The following BRD4 variants were observed in gnomAD, a reference collection of about 807,000 sequenced individuals.
BRD4 encodes the protein bromodomain-containing protein 4.
Under a neutral mutation model 142.1 loss-of-function variants are expected in BRD4, and 16 were observed. That is an observed-to-expected ratio of 0.11 (90% CI 0.08 to 0.17). The LOEUF is 0.17. Ranked by LOEUF, BRD4 falls within the 10% of genes least tolerant of loss-of-function variation. The pLI, the probability that BRD4 is intolerant of heterozygous loss-of-function variation, is 1.00. For missense variants in BRD4, 1,424 were observed against 1,810.9 expected, an observed-to-expected ratio of 0.79 and a Z score of 3.88; for synonymous variants, 833 against 707.5, an observed-to-expected ratio of 1.18 and a Z score of -2.82.
chr19:15,256,042 G>A lies in BRD4; in HGVS notation c.1751+22C>T, dbSNP rs1599451599. The A allele has an allele frequency of 1.9e-6, 3 of 1,609,290 alleles. No homozygotes were observed. The East Asian group carries it at 6.7e-5, about 36-fold the overall frequency. On this transcript the variant is annotated intron_variant, in intron 9 of 19. Coordinates refer to ENST00000679869, the MANE Select transcript of BRD4 (RefSeq NM_001379291.1). The stretch of plus-strand genomic sequence containing the variant: ...CCCTGGAAGGAGGGTCCCCACCCAG[G>A]ACAAATTCAGGGGACACAGACCTCA...
chr19:15,291,172 G>A (rs543602763), intron 1 of BRD4, among the ~76,000 whole-genome samples: 3 of 152,278 alleles, frequency 2.0e-5, no homozygotes, highest in African/African-American at 7.2e-5. Flanking sequence ...AGGCCTATAA[G>A]GAGATGGTGT....
Position 15,238,997 on chromosome 19 carries a change from A to G in BRD4, c.3783-17T>C. The stretch of plus-strand genomic sequence containing the variant: ...TCTCGGCTCCTGGGCAGAGGGTCCC[A>G]GTCAGCCTGGGGACTGGTGTGGCCC... On this transcript the variant is annotated splice_polypyrimidine_tract_variant and intron_variant, in intron 18 of 19. Coordinates refer to ENST00000679869, the MANE Select transcript of BRD4 (RefSeq NM_001379291.1). This position sits in a 1 kb window ranked among gnomAD's most constrained non-coding sequence, Gnocchi z 7.2. 1 of 1,578,766 alleles carries G rather than the reference A, an allele frequency of 6.3e-7. No homozygotes were observed. Among genetic ancestry groups the G allele is most frequent in the Non-Finnish European group, 8.6e-7 (1 of 1,164,242 alleles).
At chr19:15,293,055 T>C (rs1357862315) in intron 1 of BRD4, among the ~76,000 whole-genome samples, 1 of 151,910 alleles carries the variant, frequency 6.6e-6, no homozygotes, top group Non-Finnish European at 1.5e-5. Context: ...CCGACTACTG[T>C]CGATGCTAAA....
intron 11 of BRD4, 116 bp from the exon 12 acceptor site, chr19:15,244,878 G>A (rs2047272109): frequency 7.0e-6 from 11 of 1,565,696 alleles, no homozygotes; most frequent in Admixed American, 1.8e-5. Flanking sequence ...GTGACCCTGA[G>A]AAAGGGCAGC....
intron 2 of BRD4, among the ~76,000 whole-genome samples, chr19:15,269,336 G>T (rs2047564258): frequency 6.6e-6 from 1 of 152,120 alleles, no homozygotes; most frequent in African/African-American, 2.4e-5. Flanking sequence ...TTCTTTTTAT[G>T]GATACTAAAA....
At chr19:15,298,021 G>A (rs1309416935) in intron 1 of BRD4, among the ~76,000 whole-genome samples, 2 of 152,244 alleles carry the variant, frequency 1.3e-5, no homozygotes, top group African/African-American at 4.8e-5. Context: ...GAGCCACTAT[G>A]AGGCACAAGA....
At chr19:15,326,181 G>C (rs2048107022) in intron 1 of BRD4, among the ~76,000 whole-genome samples, 1 of 149,282 alleles carries the variant, frequency 6.7e-6, no homozygotes, top group Non-Finnish European at 1.5e-5. Flanking sequence ...AAAAGGCCGG[G>C]CGCTGTGGCT....
intron 7 of BRD4, among the ~76,000 whole-genome samples, chr19:15,258,653 T>C (rs1339967171): frequency 6.6e-6 from 1 of 151,908 alleles, no homozygotes; most frequent in Non-Finnish European, 1.5e-5. Context: ...TTGCCCAGGG[T>C]GGAATGCAAT....
At position 15,269,028 on chromosome 19, in the gene BRD4, G is replaced by A. The variant is rs775487071; in HGVS notation, c.300C>T (p.Ile100=). Residue 100 remains isoleucine, a synonymous_variant, in exon 3 of 20, where the codon ATC becomes ATT. Transcript: ENST00000679869. Reference sequence around the variant, plus strand: ...TTCCCATATCCATAGGCGTTTTAATGATCTTATAGTAATCCTGGAGAGCAG... The same window carrying A: ...TTCCCATATCCATAGGCGTTTTAATAATCTTATAGTAATCCTGGAGAGCAG... ...VKLNLPDYYK[I]IKTPMDMGTI... 7 of 1,614,054 alleles carry A rather than the reference G, an allele frequency of 4.3e-6. No homozygotes were observed. The Admixed American group carries it at 1.2e-4, about 27-fold the overall frequency.
intron 1 of BRD4, among the ~76,000 whole-genome samples, chr19:15,273,869 A>G (rs1019010931): frequency 2.0e-5 from 3 of 147,022 alleles, no homozygotes; most frequent in Non-Finnish European, 4.5e-5. Context: ...CTCAGTGGAG[A>G]TATCATTCTG....
intron 1 of BRD4, among the ~76,000 whole-genome samples, chr19:15,296,846 C>A (rs550091383): frequency 6.6e-6 from 1 of 152,340 alleles, no homozygotes; most frequent in African/African-American, 2.4e-5. Flanking sequence ...ATCTGAAGAG[C>A]AACTGTTTCT....
At chr19:15,291,443 C>G (rs1429334298) in intron 1 of BRD4, among the ~76,000 whole-genome samples, 1 of 152,076 alleles carries the variant, frequency 6.6e-6, no homozygotes, top group Non-Finnish European at 1.5e-5. Context: ...AGATGGTAAA[C>G]CCTATGGAAA....
intron 1 of BRD4, among the ~76,000 whole-genome samples, chr19:15,325,638 T>C (rs2048101038): frequency 6.6e-6 from 1 of 152,142 alleles, no homozygotes; most frequent in Admixed American, 6.6e-5. Flanking sequence ...TGGAAATACA[T>C]GCAACCTTTC....
chr19:15,251,438 C>CG lies in BRD4; in HGVS notation c.2158+2713dup, dbSNP rs1197390019. Among the ~76,000 whole-genome samples, 33 of 7,082 alleles carry CG rather than the reference C, an allele frequency of 4.7e-3. 1 individual carries two copies. The highest frequency in any genetic ancestry group is 5.8e-3 in the Non-Finnish European group (23 of 3,958). The allele number at this position is 7,082 out of a possible 152,430, so 4.6% of individuals were successfully genotyped here. ...TCCAATCCAAATGGAAACACAAGAA[C>CG]GGGGGGGGGGGGGGGGGCGGGGGCG... On this transcript the variant is annotated intron_variant, in intron 11 of 19. Transcript: ENST00000679869.
intron 1 of BRD4, among the ~76,000 whole-genome samples, chr19:15,304,682 A>C (rs1287528226): frequency 6.6e-6 from 1 of 152,166 alleles, no homozygotes; most frequent in Non-Finnish European, 1.5e-5. Flanking sequence ...TAAACCAACA[A>C]GCAATTACTG....
At chr19:15,309,220 C>A (rs559422892) in intron 1 of BRD4, among the ~76,000 whole-genome samples, 155 of 151,066 alleles carry the variant, frequency 1.0e-3, no homozygotes, top group African/African-American at 3.6e-3. Flanking sequence ...GTAATCCCAG[C>A]TACTCGGGAG....
intron 14 of BRD4, among the ~76,000 whole-genome samples, chr19:15,241,875 C>T (rs550505667): frequency 2.7e-5 from 4 of 149,044 alleles, no homozygotes; most frequent in Non-Finnish European, 4.4e-5. Flanking sequence ...TGCAGTGGCA[C>T]GATCTCAGCT....
At chr19:15,267,106 G>A (rs899258182) in intron 4 of BRD4, among the ~76,000 whole-genome samples, 5 of 152,200 alleles carry the variant, frequency 3.3e-5, no homozygotes, top group African/African-American at 1.2e-4. Flanking sequence ...AACCACCTAT[G>A]ATACTGGCAG....
intron 1 of BRD4, among the ~76,000 whole-genome samples, chr19:15,292,688 G>C (rs1438318441): frequency 6.8e-6 from 1 of 146,168 alleles, no homozygotes; most frequent in East Asian, 2.1e-4. Context: ...TGAGGCAGGA[G>C]AATGGTATAA....
Sources: allele counts gnomAD v4.1 joint callset (sites outside exome capture counted in the v4.1 genomes callset), GRCh38; gene constraint gnomAD v4.1.1; non-coding constraint Gnocchi (gnomAD v3.1); transcripts MANE v1.5; gene names NCBI Gene and HGNC (gene_info 2026-07-23, HGNC 2026-07-21).